H4C15: variants seen among roughly 807,000 people sequenced by gnomAD.
H4C15 encodes the protein H4 clustered histone 15, also known as histone H4.
At chr1:149,848,150 G>A in the H4C15 span, 41 of 151,980 alleles carry the variant, frequency 2.7e-4, no homozygotes, top group African/African-American at 9.7e-4. Flanking sequence ...CATTTTTCCT[G>A]TGATGGTAAT....
chr1:149,850,301 T>G (rs2092170374), downstream of H4C15: 1 of 1,427,178 alleles, frequency 7.0e-7, no homozygotes, highest in Non-Finnish European at 9.7e-7. Context: ...GGTGGTTAAA[T>G]GGCCCTGAAA....
chr1:149,850,225 G>C (rs2092169413), downstream of H4C15: 1 of 887,994 alleles, frequency 1.1e-6, no homozygotes, highest in African/African-American at 1.7e-5. Context: ...CTCTCCTAAA[G>C]TTAACCAGAC....
At chr1:149,850,142 T>C (rs1270527546), downstream of H4C15, 6 of 563,610 alleles carry the variant, frequency 1.1e-5, no homozygotes, top group Non-Finnish European at 1.9e-5. Context: ...GATACCACTA[T>C]CAATCTATGT....
the H4C15 span, chr1:149,845,721 T>TA: frequency 5.9e-5 from 9 of 152,234 alleles, no homozygotes; most frequent in Admixed American, 2.0e-4. Context: ...TTAAATGAGA[T>TA]AGAGTGCTCT....
chr1:149,850,257 G>T, downstream of H4C15: 1 of 1,177,950 alleles, frequency 8.5e-7, no homozygotes, highest in Non-Finnish European at 1.2e-6. Context: ...AACATCAACT[G>T]GGACTGACAA....
At chr1:149,845,685 A>T in the H4C15 span, 2 of 152,246 alleles carry the variant, frequency 1.3e-5, no homozygotes, top group Admixed American at 1.3e-4. Flanking sequence ...AAGGAGCATC[A>T]CAGGCCACTG....
At chr1:149,855,340 G>A (rs1339249003), downstream of H4C15, among the ~76,000 whole-genome samples, 3 of 136,414 alleles carry the variant, frequency 2.2e-5, no homozygotes, top group African/African-American at 8.1e-5. Flanking sequence ...AGTGAAAAAC[G>A]TGCTTTGTTC....
At chr1:149,859,019 T>C (rs1478834804), downstream of H4C15, among the ~76,000 whole-genome samples, 1 of 6,104 alleles carries the variant, frequency 1.6e-4, no homozygotes, top group East Asian at 1.8e-3. Flanking sequence ...TTAAAAACAA[T>C]CAGTGATATT....
chr1:149,846,322 C>A, the H4C15 span: 4 of 152,182 alleles, frequency 2.6e-5, no homozygotes, highest in Middle Eastern at 3.4e-3. Flanking sequence ...CTACATAGTA[C>A]GTATTATGAC....
At chr1:149,845,786 C>T in the H4C15 span, 2 of 151,824 alleles carry the variant, frequency 1.3e-5, no homozygotes, top group East Asian at 1.9e-4. Context: ...GAGTAGTAGC[C>T]GAGATATTTT....
chr1:149,850,138 A>G, downstream of H4C15: 2 of 555,040 alleles, frequency 3.6e-6, no homozygotes, highest in Admixed American at 5.9e-5. Context: ...GTAAGATACC[A>G]CTATCAATCT....
chr1:149,847,983 C>T, the H4C15 span: 1 of 152,120 alleles, frequency 6.6e-6, no homozygotes, highest in Admixed American at 6.5e-5. Context: ...AAACTTCTAG[C>T]CTCTAAAACC....
chr1:149,850,561 G>A (rs1278621476), downstream of H4C15: 10 of 694,130 alleles, frequency 1.4e-5, no homozygotes, highest in African/African-American at 8.6e-5. Flanking sequence ...CGATGCGCTC[G>A]AAGATGTCGT....
the H4C15 span, chr1:149,844,850 T>C: frequency 6.6e-6 from 1 of 151,478 alleles, no homozygotes; most frequent in Non-Finnish European, 1.5e-5. Context: ...CCAGGAAACA[T>C]TTTCCTGCTT....
At chr1:149,849,943 C>T (rs1553757516), downstream of H4C15, among the ~76,000 whole-genome samples, 1 of 152,220 alleles carries the variant, frequency 6.6e-6, no homozygotes, top group Non-Finnish European at 1.5e-5. Context: ...CTTCATTTTA[C>T]CACTGAAGAG....
chr1:149,845,677 G>T, the H4C15 span: 1 of 152,252 alleles, frequency 6.6e-6, no homozygotes, highest in East Asian at 1.9e-4. Context: ...AGGCCATTAA[G>T]GAGCATCACA....
the H4C15 span, chr1:149,844,495 T>A: frequency 6.6e-6 from 1 of 152,164 alleles, no homozygotes; most frequent in Admixed American, 6.5e-5. Flanking sequence ...AAGTTTCATT[T>A]AATCCTTTAT....
At chr1:149,845,078 T>G in the H4C15 span, 1 of 152,232 alleles carries the variant, frequency 6.6e-6, no homozygotes, top group East Asian at 1.9e-4. Flanking sequence ...TCCTGGGGAC[T>G]GAGAATAAGA....
chr1:149,848,457 T>C, the H4C15 span: 1 of 152,240 alleles, frequency 6.6e-6, no homozygotes, highest in Non-Finnish European at 1.5e-5. Flanking sequence ...CCTCTGCATA[T>C]TGTCTATAAT....
Sources: gnomAD v4.1 joint callset for allele counts (sites outside exome capture counted in the v4.1 genomes callset) on GRCh38, gnomAD v4.1.1 for gene constraint, MANE v1.5 for transcripts, NCBI Gene and HGNC (gene_info 2026-07-23, HGNC 2026-07-21) for gene names.